CEP89: variants seen among roughly 807,000 people sequenced by gnomAD.
CEP89 encodes centrosomal protein 89.
CEP89 carries 95 observed loss-of-function variants against 97.6 expected under a neutral mutation model. The observed-to-expected ratio is 0.97, with a 90% CI of 0.82 to 1.15. CEP89 has a LOEUF of 1.15. Among genes scored for constraint, CEP89 ranks in the 50% most tolerant of loss-of-function variants. The probability of loss-of-function intolerance (pLI) is 0.00; values close to 1 mark genes in which losing one functional copy is unlikely to be tolerated. For synonymous variants in CEP89, 354 were observed against 349.1 expected, an observed-to-expected ratio of 1.01 and a Z score of -0.16; for missense variants, 869 against 947.7, an observed-to-expected ratio of 0.92 and a Z score of 1.09.
rs963012853 is a variant in CEP89, at chr19:32,878,013, C to T, written c.*1149G>A. On this transcript the variant is annotated 3_prime_UTR_variant, in exon 19 of 19. Transcript: ENST00000305768. ...CAGGCTGGTCTCGAACTCCTGGCCT[C>T]GGGTGATCCGCCTGCCTCGACCTCC... 12 of 152,102 alleles carry T rather than the reference C, an allele frequency of 7.9e-5. No homozygotes were observed. Among genetic ancestry groups the T allele is most frequent in the African/African-American group, 1.4e-4 (6 of 41,398 alleles). The allele number at this position is 152,102 out of a possible 1,614,324, so 9.4% of individuals were successfully genotyped here. A position where few individuals can be genotyped will look rare whatever the true frequency, so the allele number is the denominator to read the frequency against.
At chr19:32,942,062 G>A (rs1456698596) in intron 5 of CEP89, among the ~76,000 whole-genome samples, 1 of 152,158 alleles carries the variant, frequency 6.6e-6, no homozygotes, top group Non-Finnish European at 1.5e-5. Flanking sequence ...GGGGGAGCAG[G>A]GAGTTACATG....
intron 2 of CEP89, among the ~76,000 whole-genome samples, chr19:32,961,755 CA>C (rs1167242288): frequency 6.6e-6 from 1 of 151,498 alleles, no homozygotes; most frequent in African/African-American, 2.4e-5. Context: ...GTGATCCTCC[CA>C]CCTCAGTATC....
intron 17 of CEP89, among the ~76,000 whole-genome samples, chr19:32,886,630 C>T (rs10409494): frequency 0.066 from 9,996 of 152,160 alleles, 391 homozygotes; most frequent in South Asian, 0.15. Flanking sequence ...CCGGGTGAGC[C>T]GGTTTTACTA....
rs1431215323 is a variant in CEP89 at position 32,936,515 on chromosome 19, G to A, written c.667+1116C>T. ...GGCTGGGGACCGGGTTGCCTGTCCC[G>A]TGGGACTGCAGTAGGAACTTATGGT... is the stretch of plus-strand genomic sequence containing the variant. On this transcript the variant is annotated intron_variant, in intron 7 of 18. Coordinates refer to ENST00000305768, the MANE Select transcript of CEP89 (RefSeq NM_032816.5). This position sits in a 1 kb window ranked among gnomAD's most constrained non-coding sequence, Gnocchi z 4.5. Among the ~76,000 whole-genome samples, 1 of 152,150 alleles carries A rather than the reference G, an allele frequency of 6.6e-6. No individual in the cohort carries two copies. Among genetic ancestry groups the A allele is most frequent in the South Asian group, 2.1e-4 (1 of 4,830 alleles).
rs144975559 is a variant in CEP89, at chr19:32,899,866, A to C, written c.1866T>G (p.Leu622=). The change falls in exon 16 of 19, where the codon CTT becomes CTG. Residue 622 remains leucine, a synonymous_variant. Transcript: ENST00000305768. ...CCTTCAGGAAACTTACCAAACACAT[A>C]AGACTGTCACGTTCCTGGGTTATGT... ...AENITQERDS[L]MCLAKCLESE... 6.2e-7 allele frequency: 1 copy of C among 1,613,592 alleles called. No homozygotes were observed. The highest frequency in any genetic ancestry group is 1.3e-5 in the African/African-American group (1 of 75,024).
At chr19:32,886,198 G>A (rs1465638680) in intron 17 of CEP89, among the ~76,000 whole-genome samples, 1 of 152,096 alleles carries the variant, frequency 6.6e-6, no homozygotes, top group Non-Finnish European at 1.5e-5. Context: ...CACTTTTCCT[G>A]GTAAGTTTTC....
chr19:32,914,630 G>GA (rs200671478), intron 14 of CEP89, among the ~76,000 whole-genome samples: 11 of 150,992 alleles, frequency 7.3e-5, no homozygotes, highest in East Asian at 1.9e-4. Flanking sequence ...AAAACAGTAT[G>GA]AAAAAAAAAT....
chr19:32,966,106 T>G, intron 2 of CEP89: 1 of 360,060 alleles, frequency 2.8e-6, no homozygotes, highest in Non-Finnish European at 4.9e-6. Flanking sequence ...TTACATTTTT[T>G]TTTAAATACT....
In CEP89 at chr19:32,948,186, A is replaced by G. The variant is rs1239765337; in HGVS notation, c.595+80T>C. ...GCTACAGCATGAAGGGGCAATGGGT[A>G]TGTTTTCCTAAAAATAAGCAATATT... is the stretch of plus-strand genomic sequence containing the variant. On this transcript the variant is annotated intron_variant, in intron 5 of 18. Coordinates refer to ENST00000305768, the MANE Select transcript of CEP89 (RefSeq NM_032816.5). 20 of 719,720 alleles carry G rather than the reference A, an allele frequency of 2.8e-5. 1 individual carries two copies. In the Admixed American group the frequency reaches 5.5e-4, roughly 20 times the overall value. 44.6% of individuals were successfully genotyped at this position (719,720 alleles called of 1,614,324 possible).
At chr19:32,939,379 TTTTAAAAGTA>T (rs1489294938) in intron 6 of CEP89, among the ~76,000 whole-genome samples, 6 of 152,158 alleles carry the variant, frequency 3.9e-5, no homozygotes, top group African/African-American at 1.4e-4. Flanking sequence ...TTTCCTCATG[TTTTAAAAGTA>T]TTTAAGGCCA....
In CEP89 at chr19:32,878,705, C is replaced by A. The variant is rs11671966; in HGVS notation, c.*457G>T. 0.098 allele frequency: 15,054 copies of A among 154,106 alleles called. 928 individuals are homozygous for A. Among genetic ancestry groups the A allele is most frequent in the Middle Eastern group, 0.16 (49 of 302 alleles). The allele number at this position is 154,106 out of a possible 1,614,324, so 9.5% of individuals were successfully genotyped here. On this transcript the variant is annotated 3_prime_UTR_variant, in exon 19 of 19. Transcript: ENST00000305768. The stretch of plus-strand genomic sequence containing the variant: ...ACAATGGGCCAGGCGCAGTGGCTCA[C>A]ACGTGTCATTCCCGCACTTTGGGAG...
At chr19:32,915,631 A>ATCTT in intron 13 of CEP89, 114 bp from the exon 14 acceptor site, 1 of 1,017,364 alleles carries the variant, frequency 9.8e-7, no homozygotes, top group Non-Finnish European at 1.4e-6. Context: ...CCTTTTAAAG[A>ATCTT]TCTTTTGAGC....
rs375261113 is a variant in CEP89, at chr19:32,898,087, A to T, written c.1875+1770T>A. ...AAGGGATATCTACACCCCCATGTTT[A>T]TTGCTGCACAATTCACAGTAGCAAA... On this transcript the variant is annotated intron_variant, in intron 16 of 18. Transcript: ENST00000305768. 2.2e-4 allele frequency among the ~76,000 whole-genome samples: 34 copies of T among 152,346 alleles called. 2 individuals are homozygous for T. In the South Asian group the frequency reaches 6.8e-3, roughly 31 times the overall value.
intron 14 of CEP89, among the ~76,000 whole-genome samples, chr19:32,907,329 C>A (rs1470948391): frequency 6.6e-6 from 1 of 152,172 alleles, no homozygotes; most frequent in Non-Finnish European, 1.5e-5. Flanking sequence ...CCACTTCACT[C>A]CAGCCTGAGA....
chr19:32,963,376 A>C (rs1418964848), intron 2 of CEP89: 1 of 152,168 alleles, frequency 6.6e-6, no homozygotes, highest in Non-Finnish European at 1.5e-5. Flanking sequence ...ACTCCATCTC[A>C]AAAACAAAAA....
intron 5 of CEP89, among the ~76,000 whole-genome samples, chr19:32,940,210 TCC>T (rs1970659814): frequency 6.6e-6 from 1 of 151,042 alleles, no homozygotes. Context: ...CCCATCACTC[TCC>T]ACACATCTTC....
chr19:32,885,498 T>C (rs2145869912), intron 17 of CEP89, among the ~76,000 whole-genome samples: 1 of 152,174 alleles, frequency 6.6e-6, no homozygotes, highest in Middle Eastern at 3.4e-3. Flanking sequence ...TTGCTGTATT[T>C]TTTGTAGAGA....
chr19:32,963,692 G>C (rs916237020), intron 2 of CEP89: 2 of 152,172 alleles, frequency 1.3e-5, no homozygotes, highest in African/African-American at 4.8e-5. Context: ...TTGATGCCGG[G>C]CTCAACAAAG....
intron 4 of CEP89, among the ~76,000 whole-genome samples, chr19:32,950,490 G>A (rs577424245): frequency 2.1e-4 from 32 of 152,152 alleles, no homozygotes; most frequent in Non-Finnish European, 3.7e-4. Flanking sequence ...CCCAGGAGGC[G>A]GAGGTTGCAG....
Sources: allele counts gnomAD v4.1 joint callset (sites outside exome capture counted in the v4.1 genomes callset), GRCh38; gene constraint gnomAD v4.1.1; non-coding constraint Gnocchi (gnomAD v3.1); transcripts MANE v1.5; gene names NCBI Gene and HGNC (gene_info 2026-07-23, HGNC 2026-07-21).